Variants in ZNF804A observed in about 807,000 individuals in gnomAD.
ZNF804A encodes zinc finger protein 804A.
In ZNF804A, 2 loss-of-function variants were observed where a neutral mutation model predicts 16.5. The observed-to-expected ratio is 0.12, with a 90% CI of 0.05 to 0.38. The LOEUF (loss-of-function observed/expected upper bound fraction) is 0.38, where lower values mean the gene tolerates loss of function less well. Ranked by LOEUF, ZNF804A falls within the 10% of genes least tolerant of loss-of-function variation. The pLI is 0.99. For synonymous variants in ZNF804A, 534 were observed against 489.6 expected (o/e 1.09, Z -1.20); for missense variants, 1,473 against 1,390.7 (o/e 1.06, Z -0.94).
At chr2:184,843,804 T>A (rs1033202757) in intron 1 of ZNF804A, among the ~76,000 whole-genome samples, 1 of 151,792 alleles carries the variant, frequency 6.6e-6, no homozygotes, top group African/African-American at 2.4e-5. Context: ...ACAAAAATAG[T>A]TAGTCTGGCT....
chr2:184,854,264 T>C (rs954872720), intron 1 of ZNF804A, among the ~76,000 whole-genome samples: 5 of 151,938 alleles, frequency 3.3e-5, no homozygotes, highest in Admixed American at 2.6e-4. Flanking sequence ...ACAGTCAAAA[T>C]ACAGGCACAC....
chr2:184,643,888 A>T (rs2105695566), intron 1 of ZNF804A, among the ~76,000 whole-genome samples: 1 of 151,874 alleles, frequency 6.6e-6, no homozygotes, highest in Admixed American at 6.6e-5. Flanking sequence ...TCCAGGTGTT[A>T]AGAATAACCC....
intron 2 of ZNF804A, among the ~76,000 whole-genome samples, chr2:184,875,979 G>T (rs1287364491): frequency 1.3e-5 from 2 of 152,094 alleles, no homozygotes; most frequent in Non-Finnish European, 2.9e-5. Flanking sequence ...TATTGCTGCT[G>T]CCCCTCAAAC....
intron 1 of ZNF804A, among the ~76,000 whole-genome samples, chr2:184,740,666 A>T (rs578091165): frequency 1.8e-4 from 28 of 152,258 alleles, no homozygotes; most frequent in Admixed American, 5.2e-4. Context: ...AGTATTTGTA[A>T]TTTAGTTAGT....
chr2:184,766,266 T>C (rs892092271), intron 1 of ZNF804A, among the ~76,000 whole-genome samples: 1 of 152,128 alleles, frequency 6.6e-6, no homozygotes, highest in Non-Finnish European at 1.5e-5. Context: ...AAAATGTCTA[T>C]TCAGATGTTT....
chr2:184,672,163 G>A (rs944105908), intron 1 of ZNF804A, among the ~76,000 whole-genome samples: 1 of 152,196 alleles, frequency 6.6e-6, no homozygotes, highest in Non-Finnish European at 1.5e-5. Context: ...TTCTGAAACA[G>A]CATGGGAAGA....
chr2:184,937,108 A>G lies in ZNF804A; in HGVS notation c.1712A>G (p.Asp571Gly), dbSNP rs772556370. The change falls in exon 4 of 4, where the codon GAC (aspartate) becomes GGC (glycine). Residue 571 changes from aspartate to glycine, a missense_variant. Coordinates refer to ENST00000302277, the MANE Select transcript of ZNF804A (RefSeq NM_194250.2). ...YNFTKSQIKQDTLDEKYNKIR... is the reference protein window; with the variant it reads ...YNFTKSQIKQGTLDEKYNKIR... ...TTTACTAAAAGTCAAATAAAACAGG[A>G]CACTCTAGATGAAAAATACAACAAA... 7.4e-5 allele frequency: 119 copies of G among 1,605,812 alleles called. No individual in the cohort carries two copies. Among genetic ancestry groups the G allele is most frequent in the Non-Finnish European group, 1.0e-4 (118 of 1,177,926 alleles).
chr2:184,896,672 G>C (rs1329960203), intron 2 of ZNF804A, among the ~76,000 whole-genome samples: 2 of 151,982 alleles, frequency 1.3e-5, no homozygotes, highest in Non-Finnish European at 2.9e-5. Context: ...GGTCAATATG[G>C]CAGTTTTAAT....
chr2:184,721,591 CT>C (rs1156636393), intron 1 of ZNF804A, among the ~76,000 whole-genome samples: 1 of 151,970 alleles, frequency 6.6e-6, no homozygotes, highest in Non-Finnish European at 1.5e-5. Context: ...ATAACAGGTG[CT>C]GGTGAGGATG....
intron 2 of ZNF804A, among the ~76,000 whole-genome samples, chr2:184,880,459 C>A (rs1312388127): frequency 1.3e-5 from 2 of 151,606 alleles, no homozygotes; most frequent in East Asian, 3.9e-4. Flanking sequence ...ATTGTTAAGA[C>A]ACATTTTTTA....
chr2:184,598,840 G>T lies in ZNF804A; in HGVS notation c.-120G>T, dbSNP rs1690995837. 2.0e-6 allele frequency: 1 copy of T among 509,902 alleles called. No individual in the cohort carries two copies. Among genetic ancestry groups the T allele is most frequent in the Non-Finnish European group, 3.3e-6 (1 of 304,226 alleles). The allele number at this position is 509,902 out of a possible 1,614,324, so 31.6% of individuals were successfully genotyped here. A position where few individuals can be genotyped will look rare whatever the true frequency, so the allele number is the denominator to read the frequency against. On this transcript the variant is annotated 5_prime_UTR_variant, in exon 1 of 4. Coordinates refer to ENST00000302277, the MANE Select transcript of ZNF804A (RefSeq NM_194250.2). The stretch of plus-strand genomic sequence containing the variant: ...GCCAGTCTCCAGAGGACGTGCCGGG[G>T]GTGGCTGCGTGCCCTCGTGGCGGGT...
At chr2:184,784,840 T>C (rs1019150104) in intron 1 of ZNF804A, among the ~76,000 whole-genome samples, 5 of 151,976 alleles carry the variant, frequency 3.3e-5, no homozygotes, top group Admixed American at 2.0e-4. Context: ...AAAACAACAA[T>C]GCCATAAGTC....
At chr2:184,924,166 C>G (rs1300239026) in intron 2 of ZNF804A, among the ~76,000 whole-genome samples, 2 of 151,646 alleles carry the variant, frequency 1.3e-5, no homozygotes, top group Admixed American at 6.6e-5. Flanking sequence ...TCTTTAAATG[C>G]TTGGTTCAAT....
intron 1 of ZNF804A, among the ~76,000 whole-genome samples, chr2:184,673,775 C>T (rs1436850032): frequency 6.6e-6 from 1 of 152,028 alleles, no homozygotes; most frequent in African/African-American, 2.4e-5. Context: ...GTGGTAGCAC[C>T]ACAATTTGTA....
chr2:184,613,950 G>A (rs981165959), intron 1 of ZNF804A, among the ~76,000 whole-genome samples: 8 of 152,026 alleles, frequency 5.3e-5, no homozygotes, highest in Admixed American at 2.6e-4. Context: ...ATTTAATATG[G>A]AACCAAAAAA....
intron 1 of ZNF804A, among the ~76,000 whole-genome samples, chr2:184,657,936 G>A (rs956629935): frequency 6.6e-6 from 1 of 152,186 alleles, no homozygotes; most frequent in Non-Finnish European, 1.5e-5. Context: ...ACAAGGAGCA[G>A]GGAGTAGTCA....
rs1685777000 is a variant in ZNF804A, at chr2:184,935,918, A to G, written c.522A>G (p.Glu174=). The change falls in exon 4 of 4, where the codon GAA becomes GAG. Residue 174 remains glutamate, a synonymous_variant. Coordinates refer to ENST00000302277, the MANE Select transcript of ZNF804A (RefSeq NM_194250.2). ...QDFKYTLIHS[E]ENTKDATTVA... ...TCAAATATACTTTGATTCATAGTGA[A>G]GAGAATACTAAAGATGCTACCACTG... 6.2e-7 allele frequency: 1 copy of G among 1,614,006 alleles called. No homozygotes were observed. The highest frequency in any genetic ancestry group is 8.5e-7 in the Non-Finnish European group (1 of 1,179,926).
At chr2:184,866,247 C>CT in intron 1 of ZNF804A, 122 bp from the exon 2 acceptor site, 1 of 808,768 alleles carries the variant, frequency 1.2e-6, no homozygotes, top group Admixed American at 3.6e-5. Flanking sequence ...TATTTGCTTT[C>CT]TTTTTCTCTT....
At chr2:184,652,272 A>G (rs991985756) in intron 1 of ZNF804A, among the ~76,000 whole-genome samples, 2 of 152,038 alleles carry the variant, frequency 1.3e-5, no homozygotes, top group African/African-American at 4.8e-5. Flanking sequence ...AACAATAGAA[A>G]CCAGGAACCA....
Sources: gnomAD v4.1 joint callset for allele counts (sites outside exome capture counted in the v4.1 genomes callset) on GRCh38, gnomAD v4.1.1 for gene constraint, MANE v1.5 for transcripts, NCBI Gene and HGNC (gene_info 2026-07-23, HGNC 2026-07-21) for gene names.